The following KNL1 variants were observed in gnomAD, a reference collection of about 807,000 sequenced individuals.
The protein encoded by KNL1 is outer kinetochore KNL1 complex subunit KNL1.
A neutral mutation model predicts 201.3 loss-of-function variants in KNL1; 66 were observed. The ratio of observed to expected loss-of-function variants is 0.33; its 90% CI spans 0.27 to 0.40. The LOEUF (loss-of-function observed/expected upper bound fraction) is 0.40, where lower values mean the gene tolerates loss of function less well. KNL1 is among the 10% of genes least tolerant of loss of function. The pLI, the probability that KNL1 is intolerant of heterozygous loss-of-function variation, is 1.00. For missense variants in KNL1, 2,815 were observed against 2,690.5 expected (o/e 1.05, Z -1.02); for synonymous variants, 895 against 899.2 (o/e 1.00, Z 0.08).
chr15:40,611,961 C>T lies in KNL1; in HGVS notation c.284+450C>T, dbSNP rs1223499973. Among the ~76,000 whole-genome samples the T allele has an allele frequency of 1.3e-5, 2 of 152,050 alleles. 1 individual carries two copies. Among genetic ancestry groups the T allele is most frequent in the Non-Finnish European group, 2.9e-5 (2 of 68,022 alleles). ...TTGGGAGGCCGAGGCTGGTGGATCA[C>T]CTGAGGTCAGGAGTTCGAGACCAGC... On this transcript the variant is annotated intron_variant, in intron 7 of 25. Transcript: ENST00000399668.
At chr15:40,658,433 G>T (rs929608881) in intron 24 of KNL1, among the ~76,000 whole-genome samples, 1 of 150,992 alleles carries the variant, frequency 6.6e-6, no homozygotes, top group African/African-American at 2.4e-5. Flanking sequence ...GGAGGCTGAG[G>T]CAGGAGAACC....
chr15:40,598,590 A>C (rs1334030423), intron 1 of KNL1, among the ~76,000 whole-genome samples: 1 of 151,712 alleles, frequency 6.6e-6, no homozygotes, highest in Non-Finnish European at 1.5e-5. Context: ...CGGCCCCCCA[A>C]AAAAAACAAA....
chr15:40,602,480 CTTTTTTTTTT>C (rs34192317), intron 1 of KNL1, among the ~76,000 whole-genome samples: 4 of 79,132 alleles, frequency 5.1e-5, no homozygotes, highest in South Asian at 5.4e-4. Context: ...TTTTTCCTTC[CTTTTTTTTTT>C]TTTTTTTTTT....
intron 2 of KNL1, among the ~76,000 whole-genome samples, chr15:40,603,417 T>A (rs539956387): frequency 6.6e-6 from 1 of 152,312 alleles, no homozygotes; most frequent in South Asian, 2.1e-4. Flanking sequence ...GTACATGAAC[T>A]CATCCAAAAA....
At chr15:40,650,507 T>C (rs761131204) in intron 18 of KNL1, 37 bp from the exon 19 acceptor site, 4 of 1,544,120 alleles carry the variant, frequency 2.6e-6, no homozygotes, top group South Asian at 2.5e-5. Flanking sequence ...CATTCTAATA[T>C]GTTTGTTCTG....
intron 13 of KNL1, among the ~76,000 whole-genome samples, chr15:40,633,120 G>C (rs889603111): frequency 2.0e-5 from 3 of 152,010 alleles, no homozygotes; most frequent in Non-Finnish European, 4.4e-5. Context: ...TTTGAGGCCA[G>C]GAGTTTGAGA....
At chr15:40,641,147 G>A (rs1406897071) in intron 14 of KNL1, 120 bp downstream of exon 14, 3 of 613,140 alleles carry the variant, frequency 4.9e-6, no homozygotes, top group Non-Finnish European at 8.4e-6. Context: ...GCATTAATTG[G>A]CAGTGTGATG....
chr15:40,655,699 G>A (rs1893707011), intron 22 of KNL1, among the ~76,000 whole-genome samples: 1 of 152,010 alleles, frequency 6.6e-6, no homozygotes, highest in African/African-American at 2.4e-5. Context: ...CGGATTACAA[G>A]GTCAGGAGAT....
Position 40,621,104 on chromosome 15 carries a change from G to C in KNL1, c.840G>C (p.Gly280=). The C allele has an allele frequency of 6.2e-7, 1 of 1,613,628 alleles. No homozygotes were observed. Among genetic ancestry groups the C allele is most frequent in the Admixed American group, 1.7e-5 (1 of 59,870 alleles). The change falls in exon 10 of 26, where the codon GGG becomes GGC. Residue 280 remains glycine (G), a synonymous_variant. Transcript: ENST00000399668. ...ITRLFREKDD[G]MNFTQCHTAN... is the part of the protein sequence containing the mutation. ...GGCTCTTTAGAGAAAAAGATGATGG[G>C]ATGAATTTCACCCAGTGTCATACAG...
Position 40,624,879 on chromosome 15 carries a change from G to T in KNL1, c.4615G>T (p.Ala1539Ser), listed in dbSNP as rs199770734. 1 of 1,612,558 alleles carries T rather than the reference G, an allele frequency of 6.2e-7. No individual in the cohort carries two copies. The change falls in exon 10 of 26, where the codon GCT becomes TCT. Residue 1539 changes from alanine to serine, a missense_variant. By Grantham distance (99) the Ala-to-Ser change is moderately conservative. Coordinates refer to ENST00000399668, the MANE Select transcript of KNL1 (RefSeq NM_144508.5). ...TKQVIQTHVNAGEAPDPVITS... is the reference protein window; with the variant it reads ...TKQVIQTHVNSGEAPDPVITS... ...GCAAGTCATTCAAACTCATGTCAAT[G>T]CTGGAGAAGCACCAGATCCTGTAAT...
chr15:40,611,158 G>T (rs1262007983), intron 6 of KNL1, among the ~76,000 whole-genome samples: 2 of 150,620 alleles, frequency 1.3e-5, no homozygotes, highest in Non-Finnish European at 2.9e-5. Flanking sequence ...GCCCAGGCTA[G>T]AGTGCAGTGG....
At chr15:40,597,063 T>G (rs1891642255) in intron 1 of KNL1, among the ~76,000 whole-genome samples, 1 of 151,868 alleles carries the variant, frequency 6.6e-6, no homozygotes, top group Non-Finnish European at 1.5e-5. Context: ...CAGTTTATCT[T>G]TACAGTGATG....
rs564881601 is a variant in KNL1, at chr15:40,607,291, C to T, written c.135+839C>T. ...ACACATGCGTGTGAAAACCCAATCA[C>T]ACTTATGAACTACGAAAAGATCAGT... On this transcript the variant is annotated intron_variant, in intron 4 of 25. Transcript: ENST00000399668. 4.6e-5 allele frequency among the ~76,000 whole-genome samples: 7 copies of T among 152,316 alleles called. No homozygotes were observed. The East Asian group carries it at 1.3e-3, about 29-fold the overall frequency.
Position 40,622,564 on chromosome 15 carries a change from G to T in KNL1, c.2300G>T (p.Ser767Ile). 1.9e-6 allele frequency: 3 copies of T among 1,613,582 alleles called. No individual in the cohort carries two copies. Among genetic ancestry groups the T allele is most frequent in the Non-Finnish European group, 2.5e-6 (3 of 1,179,776 alleles). ...GAGCAAAATATGGATCTAACAAAGAGCCACACTGTCGTCATTGGATTTGGT... is the reference window on the plus strand; with the variant it reads ...GAGCAAAATATGGATCTAACAAAGATCCACACTGTCGTCATTGGATTTGGT... Reference protein sequence around the residue: ...EEEQNMDLTKSHTVVIGFGPS... With the variant: ...EEEQNMDLTKIHTVVIGFGPS... Residue 767 changes from serine to isoleucine, a missense_variant, in exon 10 of 26, where the codon AGC becomes ATC. Physicochemically the swap from Ser to Ile is moderately radical, Grantham distance 142 (BLOSUM62 -2). Transcript: ENST00000399668.
intron 13 of KNL1, among the ~76,000 whole-genome samples, chr15:40,639,117 A>G (rs1003311167): frequency 6.6e-6 from 1 of 151,392 alleles, no homozygotes; most frequent in Non-Finnish European, 1.5e-5. Flanking sequence ...TAACCAGTAC[A>G]TATAGTTTTG....
intron 6 of KNL1, chr15:40,610,770 T>G: frequency 2.2e-6 from 1 of 455,716 alleles, no homozygotes; most frequent in South Asian, 1.5e-5. Flanking sequence ...TTATTTATTT[T>G]GAGACGGATT....
At position 40,622,044 on chromosome 15, in the gene KNL1, G is replaced by A. The variant is rs756712389; in HGVS notation, c.1780G>A (p.Ala594Thr). The A allele has an allele frequency of 1.7e-5, 28 of 1,613,950 alleles. 1 individual carries two copies. Among genetic ancestry groups the A allele is most frequent in the Non-Finnish European group, 2.4e-5 (28 of 1,179,904 alleles). Residue 594 changes from alanine to threonine, a missense_variant, in exon 10 of 26, where the codon GCA (alanine) becomes ACA (threonine). Transcript: ENST00000399668. ...GGTTCCTCTTGCAGCTTATAATCTAGCACCGGAGAGTACCAGTGAATCTCA... is the reference window on the plus strand; with the variant it reads ...GGTTCCTCTTGCAGCTTATAATCTAACACCGGAGAGTACCAGTGAATCTCA... ...SQVPLAAYNL[A>T]PESTSESHSQ...
At chr15:40,599,635 G>A (rs1037871145) in intron 1 of KNL1, among the ~76,000 whole-genome samples, 3 of 151,782 alleles carry the variant, frequency 2.0e-5, no homozygotes, top group Non-Finnish European at 4.4e-5. Flanking sequence ...AGCCTGCCTC[G>A]GCTGCCCAAA....
At chr15:40,640,419 CAAG>C (rs760424041) in intron 13 of KNL1, among the ~76,000 whole-genome samples, 1 of 151,966 alleles carries the variant, frequency 6.6e-6, no homozygotes, top group Non-Finnish European at 1.5e-5. Flanking sequence ...AATACTGCAT[CAAG>C]GACATCAAAG....
Sources: allele counts gnomAD v4.1 joint callset (sites outside exome capture counted in the v4.1 genomes callset), GRCh38; gene constraint gnomAD v4.1.1; transcripts MANE v1.5; gene names NCBI Gene and HGNC (gene_info 2026-07-23, HGNC 2026-07-21).